Variants in DACH2 observed in about 807,000 individuals in gnomAD.
DACH2 encodes the protein dachshund family transcription factor 2.
A neutral mutation model predicts 35.8 loss-of-function variants in DACH2; 17 were observed. The observed-to-expected ratio is 0.48, with a 90% CI of 0.33 to 0.71. The LOEUF (loss-of-function observed/expected upper bound fraction) is 0.71, where lower values mean the gene tolerates loss of function less well. Ranked by LOEUF, DACH2 falls within the 30% of genes least tolerant of loss-of-function variation. The probability of loss-of-function intolerance (pLI) is 0.02; values close to 1 mark genes in which losing one functional copy is unlikely to be tolerated. For missense variants in DACH2, 469 were observed against 472.7 expected, an observed-to-expected ratio of 0.99 and a Z score of 0.07; for synonymous variants, 195 against 177.3, an observed-to-expected ratio of 1.10 and a Z score of -0.79.
chrX:86,270,985 G>A (rs2033805310), intron 1 of DACH2, among the ~76,000 whole-genome samples: 1 of 111,806 alleles, frequency 8.9e-6, no homozygotes, highest in Non-Finnish European at 1.9e-5. Context: ...TTAATTAACT[G>A]TATCTTCGTT....
chrX:86,460,741 G>C (rs1253709189), intron 2 of DACH2, among the ~76,000 whole-genome samples: 1 of 110,557 alleles, frequency 9.0e-6, no homozygotes, highest in Non-Finnish European at 1.9e-5. Context: ...TTTGGCAGTA[G>C]GTAGTACATT....
chrX:86,820,416 C>CATGTGAAAGGAAACCAAAATTTG (rs1167747016), intron 11 of DACH2, among the ~76,000 whole-genome samples: 1 of 110,690 alleles, frequency 9.0e-6, no homozygotes, highest in East Asian at 2.8e-4. Flanking sequence ...GTCAAATCTA[C>CATGTGAAAGGAAACCAAAATTTG]ATGTGAAAGG....
chrX:86,554,504 A>G (rs1309902701), intron 3 of DACH2, among the ~76,000 whole-genome samples: 1 of 111,942 alleles, frequency 8.9e-6, no homozygotes, highest in Non-Finnish European at 1.9e-5. Context: ...CTTTTATGAA[A>G]TAAATCATGT....
chrX:86,531,727 C>A (rs1488495872), intron 3 of DACH2, among the ~76,000 whole-genome samples: 2 of 112,625 alleles, frequency 1.8e-5, no homozygotes, highest in African/African-American at 3.2e-5. Context: ...TTGGGACCCC[C>A]ACACAGCATC....
chrX:86,787,977 T>C (rs2042154215), intron 7 of DACH2, among the ~76,000 whole-genome samples: 1 of 110,920 alleles, frequency 9.0e-6, no homozygotes, highest in African/African-American at 3.3e-5. Flanking sequence ...GAGATTCGAG[T>C]GCACTACTTG....
chrX:86,698,547 T>TTTTTTTTTTTTG (rs1174484010), intron 5 of DACH2, among the ~76,000 whole-genome samples: 1 of 85,042 alleles, frequency 1.2e-5, no homozygotes, highest in African/African-American at 4.4e-5. Flanking sequence ...TTTTTTTTTT[T>TTTTTTTTTTTTG]TACAGGGTCT....
chrX:86,376,812 C>G lies in DACH2; in HGVS notation c.489-12C>G. 9.2e-7 allele frequency: 1 copy of G among 1,082,568 alleles called. No individual in the cohort carries two copies. Among genetic ancestry groups the G allele is most frequent in the Non-Finnish European group, 1.3e-6 (1 of 791,033 alleles). 89.2% of individuals were successfully genotyped at this position (1,082,568 alleles called of 1,213,427 possible). A position where few individuals can be genotyped will look rare whatever the true frequency, so the allele number is the denominator to read the frequency against. ...TTTTATTTATTTATTTTCTGCTACA[C>G]TCTCCTTTTAGAAGGAAGAGGCAAA... On this transcript the variant is annotated splice_polypyrimidine_tract_variant and intron_variant, in intron 1 of 11. Transcript: ENST00000373125.
intron 1 of DACH2, among the ~76,000 whole-genome samples, chrX:86,291,289 T>C (rs1343476654): frequency 1.0e-5 from 1 of 99,953 alleles, no homozygotes. Flanking sequence ...CCTGAGACTT[T>C]GCTGAAGTTG....
chrX:86,573,912 C>T (rs983280096), intron 3 of DACH2, among the ~76,000 whole-genome samples: 1 of 111,326 alleles, frequency 9.0e-6, no homozygotes. Context: ...TCCCCTTAAA[C>T]GCGGTTTTAG....
At chrX:86,801,074 T>C (rs1016254793) in intron 7 of DACH2, among the ~76,000 whole-genome samples, 6 of 111,756 alleles carry the variant, frequency 5.4e-5, no homozygotes, top group African/African-American at 1.9e-4. Context: ...TTTAATAAAA[T>C]TCAGCTTTCT....
intron 1 of DACH2, among the ~76,000 whole-genome samples, chrX:86,232,479 A>G (rs1274157553): frequency 8.9e-6 from 1 of 112,432 alleles, no homozygotes; most frequent in Non-Finnish European, 1.9e-5. Flanking sequence ...CAGCATCTAT[A>G]AGAAACTTAA....
intron 1 of DACH2, among the ~76,000 whole-genome samples, chrX:86,323,654 G>C (rs1025814326): frequency 8.9e-6 from 1 of 112,064 alleles, no homozygotes; most frequent in South Asian, 3.7e-4. Context: ...GCTAGGGTCA[G>C]CCTAGGAGCC....
intron 3 of DACH2, among the ~76,000 whole-genome samples, chrX:86,566,243 C>G (rs2039291277): frequency 9.0e-6 from 1 of 111,513 alleles, no homozygotes; most frequent in African/African-American, 3.2e-5. Context: ...TACATGAATT[C>G]CAATTACAGA....
chrX:86,463,785 G>A (rs1363540145), intron 2 of DACH2, among the ~76,000 whole-genome samples: 1 of 110,884 alleles, frequency 9.0e-6, no homozygotes, highest in Non-Finnish European at 1.9e-5. Context: ...ATGTGACAAA[G>A]GTTTAATATC....
In DACH2 at chrX:86,485,131, G is replaced by T. The variant is rs1365696886; in HGVS notation, c.528-29148G>T. On this transcript the variant is annotated intron_variant, in intron 2 of 11. Transcript: ENST00000373125. ...ATATAATATACAGATTAGGAAAAAA[G>T]ATATTAATTAAAAATTATAAAATTT... Among the ~76,000 whole-genome samples, 9 of 111,672 alleles carry T rather than the reference G, an allele frequency of 8.1e-5. 1 individual carries two copies. In the East Asian group the frequency reaches 2.2e-3, roughly 28 times the overall value.
intron 2 of DACH2, among the ~76,000 whole-genome samples, chrX:86,457,066 A>C (rs1441794385): frequency 9.0e-6 from 1 of 111,325 alleles, no homozygotes; most frequent in Admixed American, 9.7e-5. Flanking sequence ...TGACATGCCT[A>C]GTTGTAGTCA....
At chrX:86,286,279 C>T (rs1024517284) in intron 1 of DACH2, among the ~76,000 whole-genome samples, 9 of 107,700 alleles carry the variant, frequency 8.4e-5, no homozygotes, top group Admixed American at 1.0e-4. Flanking sequence ...AGGCGCCCGC[C>T]ACCGCGCCCG....
At chrX:86,478,286 G>T (rs1292895262) in intron 2 of DACH2, among the ~76,000 whole-genome samples, 2 of 111,638 alleles carry the variant, frequency 1.8e-5, no homozygotes, top group African/African-American at 6.5e-5. Context: ...TGCAGGACAG[G>T]TCTGGTGTTG....
chrX:86,491,211 T>C (rs2038088190), intron 2 of DACH2, among the ~76,000 whole-genome samples: 1 of 112,023 alleles, frequency 8.9e-6, no homozygotes. Flanking sequence ...TACTACCTGC[T>C]GTACACAATG....
Sources: allele counts gnomAD v4.1 joint callset (sites outside exome capture counted in the v4.1 genomes callset), GRCh38; gene constraint gnomAD v4.1.1; transcripts MANE v1.5; gene names NCBI Gene and HGNC (gene_info 2026-07-23, HGNC 2026-07-21).